XDH: variants seen among roughly 807,000 people sequenced by gnomAD.
The protein encoded by XDH is xanthine dehydrogenase, also known as xanthine dehydrogenase/oxidase.
XDH carries 138 observed loss-of-function variants against 156.1 expected under a neutral mutation model. The observed-to-expected ratio is 0.88, with a 90% confidence interval of 0.77 to 1.02. The LOEUF (loss-of-function observed/expected upper bound fraction) is 1.02, where lower values mean the gene tolerates loss of function less well. XDH is among the 50% of genes least tolerant of loss of function. XDH has a pLI of 0.00. For synonymous variants in XDH, 669 were observed against 625.7 expected, an observed-to-expected ratio of 1.07 and a Z score of -1.03; for missense variants, 1,849 against 1,684.9, an observed-to-expected ratio of 1.10 and a Z score of -1.71.
intron 6 of XDH, among the ~76,000 whole-genome samples, chr2:31,395,323 T>C (rs182048539): frequency 1.3e-3 from 202 of 152,218 alleles, no homozygotes; most frequent in Admixed American, 2.6e-3. Flanking sequence ...CTTGTGTATT[T>C]CCCTTCCCAC....
At position 31,409,571 on chromosome 2, in the gene XDH, C is replaced by T. The variant is rs1687286799; in HGVS notation, c.43-3607G>A. On this transcript the variant is annotated intron_variant, in intron 1 of 35. Transcript: ENST00000379416. ...CCTAAAACTCAACAACTATAAAACC[C>T]AATTCAAAAATGGGCAAAGGACTTG... is the stretch of plus-strand genomic sequence containing the variant. Among the ~76,000 whole-genome samples, 3 of 151,972 alleles carry T rather than the reference C, an allele frequency of 2.0e-5. No homozygotes were observed. The South Asian group carries it at 6.2e-4, about 32-fold the overall frequency.
chr2:31,371,681 T>G (rs1288354450), intron 17 of XDH, among the ~76,000 whole-genome samples: 1 of 152,090 alleles, frequency 6.6e-6, no homozygotes, highest in Non-Finnish European at 1.5e-5. Context: ...CTTTTTTTTT[T>G]GTTTTCAGGG....
chr2:31,368,091 T>G, intron 19 of XDH, 34 bp from the exon 20 acceptor site: 1 of 1,594,686 alleles, frequency 6.3e-7, no homozygotes, highest in South Asian at 1.1e-5. Flanking sequence ...GAAATGTGGC[T>G]TTTAGCAGGG....
chr2:31,397,150 G>T (rs1265035381), intron 6 of XDH, among the ~76,000 whole-genome samples: 1 of 152,210 alleles, frequency 6.6e-6, no homozygotes, highest in African/African-American at 2.4e-5. Context: ...ATCCGGCTGT[G>T]ACTTCTCACT....
chr2:31,361,071 C>T (rs1685764272), intron 24 of XDH, among the ~76,000 whole-genome samples: 3 of 152,290 alleles, frequency 2.0e-5, no homozygotes, highest in South Asian at 2.1e-4. Context: ...CAACTAATTC[C>T]AACTGTTGAA....
intron 17 of XDH, among the ~76,000 whole-genome samples, chr2:31,371,301 T>C (rs185585584): frequency 6.6e-6 from 1 of 152,232 alleles, no homozygotes; most frequent in African/African-American, 2.4e-5. Context: ...CAAGAAACCC[T>C]GAAAGTACTT....
In XDH at chr2:31,366,117, T is replaced by G. The variant is rs775771860; in HGVS notation, c.2323-8A>C. The stretch of plus-strand genomic sequence containing the variant: ...CATTTTTGCAACAAAGCTCTGTGAG[T>G]GAAAGACAGAACATTCGCACTGAAT... On this transcript the variant is annotated splice_polypyrimidine_tract_variant and splice_region_variant and intron_variant, in intron 21 of 35. Coordinates refer to ENST00000379416, the MANE Select transcript of XDH (RefSeq NM_000379.4). The G allele has an allele frequency of 6.2e-7, 1 of 1,614,210 alleles. No individual in the cohort carries two copies. The highest frequency in any genetic ancestry group is 8.5e-7 in the Non-Finnish European group (1 of 1,180,046).
chr2:31,382,942 C>T, intron 11 of XDH, 59 bp downstream of exon 11: 1 of 1,611,898 alleles, frequency 6.2e-7, no homozygotes, highest in South Asian at 1.1e-5. Flanking sequence ...GTCTGGCTGC[C>T]CTGCTTTCAG....
At chr2:31,403,218 G>A in intron 2 of XDH, 74 bp from the exon 3 acceptor site, 1 of 1,529,832 alleles carries the variant, frequency 6.5e-7, no homozygotes, top group South Asian at 1.1e-5. Context: ...TGCCTGGGCA[G>A]AGCTGTGGGC....
intron 15 of XDH, among the ~76,000 whole-genome samples, chr2:31,374,627 A>G (rs1055070720): frequency 1.3e-5 from 2 of 152,150 alleles, no homozygotes; most frequent in African/African-American, 4.8e-5. Context: ...TCTTTATCCA[A>G]TCCTGTATTT....
At chr2:31,354,014 T>G (rs1012374956) in intron 24 of XDH, among the ~76,000 whole-genome samples, 3 of 152,184 alleles carry the variant, frequency 2.0e-5, no homozygotes, top group African/African-American at 7.2e-5. Flanking sequence ...TTCCCTTCCT[T>G]TCTGGTTGTG....
chr2:31,373,227 G>T (rs938176865), intron 16 of XDH, among the ~76,000 whole-genome samples: 1 of 152,208 alleles, frequency 6.6e-6, no homozygotes, highest in Non-Finnish European at 1.5e-5. Flanking sequence ...GGCAGAGTGT[G>T]GACACAAATT....
intron 1 of XDH, among the ~76,000 whole-genome samples, chr2:31,411,156 G>A (rs1264226655): frequency 4.0e-5 from 6 of 151,672 alleles, no homozygotes; most frequent in Non-Finnish European, 7.4e-5. Flanking sequence ...GGTGGTGGGC[G>A]CCTGTAATCC....
intron 1 of XDH, among the ~76,000 whole-genome samples, chr2:31,407,159 T>G (rs775731060): frequency 6.6e-6 from 1 of 152,194 alleles, no homozygotes; most frequent in Non-Finnish European, 1.5e-5. Context: ...GCCTCCCACC[T>G]CAAACTTAGT....
Position 31,348,913 on chromosome 2 carries a change from G to C in XDH, c.3037C>G (p.Pro1013Ala). The change falls in exon 27 of 36, where the codon CCT becomes GCT. Residue 1013 changes from proline (P) to alanine (A), a missense_variant. By Grantham distance (27) the Pro-to-Ala change is conservative. Transcript: ENST00000379416. Reference sequence around the variant, plus strand: ...AAAGCAATTACCTGATTCAGAAAAGGAACTGTAAAGCTTATTCCAAACTTG... The same window carrying C: ...AAAGCAATTACCTGATTCAGAAAAGCAACTGTAAAGCTTATTCCAAACTTG... ...PTKFGISFTV[P>A]FLNQAGALLH... 6.2e-7 allele frequency: 1 copy of C among 1,613,190 alleles called. No individual in the cohort carries two copies. The highest frequency in any genetic ancestry group is 1.1e-5 in the South Asian group (1 of 91,052).
intron 13 of XDH, among the ~76,000 whole-genome samples, chr2:31,378,570 A>G (rs780411902): frequency 6.6e-4 from 101 of 152,240 alleles, no homozygotes; most frequent in African/African-American, 2.0e-3. Flanking sequence ...CTTGCATGTC[A>G]TGTGTGGCTC....
intron 20 of XDH, among the ~76,000 whole-genome samples, chr2:31,367,312 A>G (rs1240160711): frequency 2.6e-5 from 4 of 152,250 alleles, no homozygotes; most frequent in Non-Finnish European, 2.9e-5. Context: ...TTTTGGAAAA[A>G]GTAAAGCAGG....
At chr2:31,373,388 T>C (rs1686131287) in intron 16 of XDH, among the ~76,000 whole-genome samples, 1 of 152,184 alleles carries the variant, frequency 6.6e-6, no homozygotes, top group Admixed American at 6.5e-5. Context: ...TCATTCCTGT[T>C]TTTCCTGTGG....
chr2:31,356,475 A>G (rs891534394), intron 24 of XDH, among the ~76,000 whole-genome samples: 2 of 152,178 alleles, frequency 1.3e-5, no homozygotes, highest in African/African-American at 4.8e-5. Context: ...AGAGAGAAGT[A>G]TGTCTAGGTA....
Sources: allele counts gnomAD v4.1 joint callset (sites outside exome capture counted in the v4.1 genomes callset), GRCh38; gene constraint gnomAD v4.1.1; transcripts MANE v1.5; gene names NCBI Gene and HGNC (gene_info 2026-07-23, HGNC 2026-07-21).